NRXN3: variants seen among roughly 807,000 people sequenced by gnomAD.
The protein encoded by NRXN3 is neurexin 3, also known as neurexin III.
NRXN3 carries 32 observed loss-of-function variants against 137.6 expected under a neutral mutation model. The observed-to-expected ratio is 0.23, with a 90% CI of 0.18 to 0.31. The LOEUF is 0.31. Ranked by LOEUF, NRXN3 falls within the 10% of genes least tolerant of loss-of-function variation. NRXN3 has a pLI of 1.00. For synonymous variants in NRXN3, 798 were observed against 784.5 expected (o/e 1.02, Z -0.29); for missense variants, 1,574 against 2,062.5 (o/e 0.76, Z 4.59).
rs77700389 is a variant in NRXN3 at position 78,546,763 on chromosome 14, T to C, written c.758-98357T>C. On this transcript the variant is annotated intron_variant, in intron 4 of 20. Transcript: ENST00000335750. ...CTGCTATGTGGTAAGCATTGTTATA[T>C]AGGCACTTTCCACATATTGCATCGC... Among the ~76,000 whole-genome samples, 1,021 of 152,344 alleles carry C rather than the reference T, an allele frequency of 6.7e-3. 13 individuals are homozygous for C. Among genetic ancestry groups the C allele is most frequent in the Middle Eastern group, 0.024 (7 of 294 alleles).
At chr14:78,975,395 A>C (rs188700643) in intron 14 of NRXN3, among the ~76,000 whole-genome samples, 1 of 152,318 alleles carries the variant, frequency 6.6e-6, no homozygotes, top group East Asian at 1.9e-4. Flanking sequence ...GGGAATCTAC[A>C]AGAAGCTCAA....
At chr14:78,185,870 C>G (rs1234085503) in intron 1 of NRXN3, among the ~76,000 whole-genome samples, 1 of 152,204 alleles carries the variant, frequency 6.6e-6, no homozygotes, top group Non-Finnish European at 1.5e-5. Flanking sequence ...GTAGCTAGAC[C>G]ATGGGTGGGG....
chr14:79,789,010 T>A (rs913616435), intron 19 of NRXN3, among the ~76,000 whole-genome samples: 1 of 152,160 alleles, frequency 6.6e-6, no homozygotes, highest in Non-Finnish European at 1.5e-5. Flanking sequence ...ATAGTCAGTA[T>A]GTGGAGGCAT....
At chr14:79,381,245 A>G (rs2094462265) in intron 15 of NRXN3, among the ~76,000 whole-genome samples, 1 of 151,602 alleles carries the variant, frequency 6.6e-6, no homozygotes, top group South Asian at 2.1e-4. Flanking sequence ...ATCCCTTCAG[A>G]ATTCTTAATA....
intron 15 of NRXN3, among the ~76,000 whole-genome samples, chr14:79,058,325 C>T (rs1378572077): frequency 6.6e-6 from 1 of 152,020 alleles, no homozygotes; most frequent in East Asian, 1.9e-4. Context: ...GTCTGTGTTG[C>T]TCCAGGTTTT....
At chr14:78,915,856 G>A (rs1488289212) in intron 10 of NRXN3, among the ~76,000 whole-genome samples, 1 of 152,108 alleles carries the variant, frequency 6.6e-6, no homozygotes, top group African/African-American at 2.4e-5. Flanking sequence ...AGACTCCCAA[G>A]ACAAGACACT....
Position 78,250,115 on chromosome 14 carries a change from G to T in NRXN3, c.709+6313G>T, listed in dbSNP as rs371112883. ...TTTTGGATAAGGAAGCTCGGGGCAA[G>T]AGGTTAAATAACTTGCCCAAGATTG... On this transcript the variant is annotated intron_variant, in intron 2 of 20. Coordinates refer to ENST00000335750, the MANE Select transcript of NRXN3 (RefSeq NM_001330195.2). 1.2e-4 allele frequency: 60 copies of T among 516,522 alleles called. 1 individual carries two copies. The highest frequency in any genetic ancestry group is 1.6e-4 in the Admixed American group (8 of 51,312). 32.0% of individuals were successfully genotyped at this position (516,522 alleles called of 1,614,324 possible).
chr14:79,840,193 T>C (rs1412613066), intron 20 of NRXN3, among the ~76,000 whole-genome samples: 2 of 152,158 alleles, frequency 1.3e-5, no homozygotes. Context: ...TCTATAACTC[T>C]GAGGTAAAAA....
rs1035008514 is a variant in NRXN3 at position 78,856,538 on chromosome 14, G to A, written c.2275+46194G>A. On this transcript the variant is annotated intron_variant, in intron 10 of 20. Transcript: ENST00000335750. ...AATAGCAAAGTAAGATCATTGATGT[G>A]TGTTTACTCCTTGTTGTCTCTTCTT... Among the ~76,000 whole-genome samples the A allele has an allele frequency of 2.6e-5, 4 of 152,086 alleles. No individual in the cohort carries two copies. In the East Asian group the frequency reaches 5.8e-4, roughly 22 times the overall value.
At chr14:78,809,811 C>G (rs1377683802) in intron 9 of NRXN3, among the ~76,000 whole-genome samples, 3 of 152,088 alleles carry the variant, frequency 2.0e-5, no homozygotes, top group Non-Finnish European at 4.4e-5. Flanking sequence ...ATGATACAAT[C>G]AGTCAGACTG....
At chr14:79,296,648 C>G (rs180862412) in intron 15 of NRXN3, among the ~76,000 whole-genome samples, 1 of 151,990 alleles carries the variant, frequency 6.6e-6, no homozygotes, top group African/African-American at 2.4e-5. Context: ...ATGACTTGTC[C>G]CTTTCAATTG....
At chr14:79,714,644 A>T (rs2098817310) in intron 19 of NRXN3, among the ~76,000 whole-genome samples, 1 of 152,166 alleles carries the variant, frequency 6.6e-6, no homozygotes, top group Non-Finnish European at 1.5e-5. Flanking sequence ...TAATAATTAG[A>T]GGGAAATAAA....
intron 19 of NRXN3, among the ~76,000 whole-genome samples, chr14:79,764,833 C>T (rs1240162010): frequency 2.0e-5 from 3 of 152,192 alleles, no homozygotes; most frequent in Non-Finnish European, 4.4e-5. Context: ...GACCTGTTCT[C>T]AAGGCAGTGT....
intron 4 of NRXN3, among the ~76,000 whole-genome samples, chr14:78,350,662 A>G (rs962552050): frequency 1.3e-5 from 2 of 152,162 alleles, no homozygotes; most frequent in Non-Finnish European, 2.9e-5. Flanking sequence ...AAAAAGATTT[A>G]TGTTTCAGAA....
intron 15 of NRXN3, among the ~76,000 whole-genome samples, chr14:79,123,195 G>A (rs1301635511): frequency 3.3e-5 from 5 of 151,922 alleles, no homozygotes; most frequent in Admixed American, 3.3e-4. Context: ...ACAATGAAAT[G>A]ATTTTCTATG....
At chr14:78,464,330 A>T (rs1207470170) in intron 4 of NRXN3, among the ~76,000 whole-genome samples, 1 of 152,224 alleles carries the variant, frequency 6.6e-6, no homozygotes, top group Non-Finnish European at 1.5e-5. Flanking sequence ...TGCTGGGATT[A>T]TAGGCGTTAG....
chr14:78,354,041 T>C (rs2083927125), intron 4 of NRXN3, among the ~76,000 whole-genome samples: 1 of 152,250 alleles, frequency 6.6e-6, no homozygotes. Context: ...TTACTTGTCA[T>C]TGACTGTTCA....
Position 79,697,895 on chromosome 14 carries a change from G to T in NRXN3, c.3972G>T (p.Ala1324=). Residue 1324 remains alanine (A), a synonymous_variant, in exon 19 of 21, where the codon GCG becomes GCT. Transcript: ENST00000335750. ...TCATGGAAACCACTACTACAATGGC[G>T]ACTACCACAACCCGTAAGAATCGCT... is the stretch of plus-strand genomic sequence containing the variant. ...TTVMETTTTM[A]TTTTRKNRST... is the part of the protein sequence containing the mutation. 6.2e-7 allele frequency: 1 copy of T among 1,613,010 alleles called. No homozygotes were observed. Among genetic ancestry groups the T allele is most frequent in the African/African-American group, 1.3e-5 (1 of 74,934 alleles).
At chr14:78,440,323 G>C (rs1394590687) in intron 4 of NRXN3, among the ~76,000 whole-genome samples, 1 of 152,112 alleles carries the variant, frequency 6.6e-6, no homozygotes, top group East Asian at 1.9e-4. Flanking sequence ...GCACAATCCT[G>C]CCCTGCAGGC....
Sources: allele counts gnomAD v4.1 joint callset (sites outside exome capture counted in the v4.1 genomes callset), GRCh38; gene constraint gnomAD v4.1.1; transcripts MANE v1.5; gene names NCBI Gene and HGNC (gene_info 2026-07-23, HGNC 2026-07-21).